The following SNX29 variants were observed in gnomAD, a reference collection of about 807,000 sequenced individuals.
SNX29 encodes the protein sorting nexin 29, also known as sorting nexin-29.
Under a neutral mutation model 102.1 loss-of-function variants are expected in SNX29, and 78 were observed. The ratio of observed to expected loss-of-function variants is 0.76; its 90% CI spans 0.64 to 0.92. The LOEUF is 0.92. SNX29 is among the 40% of genes least tolerant of loss of function. SNX29 has a pLI of 0.00. For synonymous variants in SNX29, 580 were observed against 414.5 expected, an observed-to-expected ratio of 1.40 and a Z score of -4.85; for missense variants, 1,280 against 1,061.7, an observed-to-expected ratio of 1.21 and a Z score of -2.86.
chr16:12,024,672 G>T (rs1352295730), intron 3 of SNX29, among the ~76,000 whole-genome samples: 2 of 152,174 alleles, frequency 1.3e-5, no homozygotes, highest in Admixed American at 6.5e-5. Context: ...TTGGGGACTG[G>T]ATTTGTGCAG....
At chr16:12,529,902 G>A (rs373008650) in intron 20 of SNX29, among the ~76,000 whole-genome samples, 27 of 152,290 alleles carry the variant, frequency 1.8e-4, no homozygotes, top group African/African-American at 5.5e-4. Context: ...GGACTGGCCA[G>A]AACCTTCCAG....
At chr16:12,153,642 T>A (rs1430740117) in intron 13 of SNX29, among the ~76,000 whole-genome samples, 1 of 103,056 alleles carries the variant, frequency 9.7e-6, no homozygotes, top group Non-Finnish European at 2.4e-5. Flanking sequence ...CCTGGCTAAT[T>A]TTTTTTTTTT....
chr16:12,225,611 G>T (rs145949480), intron 14 of SNX29, among the ~76,000 whole-genome samples: 3 of 152,272 alleles, frequency 2.0e-5, no homozygotes, highest in Admixed American at 6.5e-5. Context: ...CCAGTCTTGG[G>T]TATGTCTTTA....
intron 14 of SNX29, among the ~76,000 whole-genome samples, chr16:12,227,827 G>A (rs1441277472): frequency 6.7e-6 from 1 of 150,144 alleles, no homozygotes; most frequent in East Asian, 2.0e-4. Context: ...TTAAACCCAG[G>A]TGGTGGAGGT....
chr16:11,999,147 C>T, intron 1 of SNX29, 150 bp from the exon 2 acceptor site: 1 of 663,004 alleles, frequency 1.5e-6, no homozygotes, highest in Non-Finnish European at 2.6e-6. Flanking sequence ...CAGTAACAGG[C>T]AATAGCCAAA....
intron 20 of SNX29, among the ~76,000 whole-genome samples, chr16:12,550,500 A>AT (rs2077902581): frequency 6.7e-6 from 1 of 150,104 alleles, no homozygotes; most frequent in South Asian, 2.2e-4. Context: ...GTGTCATTAC[A>AT]TTCCAGTCTG....
At chr16:12,155,862 G>A (rs2141623467) in intron 13 of SNX29, among the ~76,000 whole-genome samples, 1 of 152,254 alleles carries the variant, frequency 6.6e-6, no homozygotes, top group Non-Finnish European at 1.5e-5. Context: ...GAGATGGCTG[G>A]GCCCATCCTC....
chr16:12,492,785 G>A (rs1160012669), intron 19 of SNX29, among the ~76,000 whole-genome samples: 1 of 152,164 alleles, frequency 6.6e-6, no homozygotes, highest in Non-Finnish European at 1.5e-5. Flanking sequence ...TATTAAATAG[G>A]GAATCCTTTC....
intron 13 of SNX29, among the ~76,000 whole-genome samples, chr16:12,186,630 G>C (rs923980924): frequency 6.6e-6 from 1 of 152,222 alleles, no homozygotes; most frequent in Non-Finnish European, 1.5e-5. Flanking sequence ...TTGGGATCCA[G>C]TCCAGGATCA....
chr16:12,178,473 A>C (rs1290283986), intron 13 of SNX29, among the ~76,000 whole-genome samples: 1 of 152,156 alleles, frequency 6.6e-6, no homozygotes, highest in Non-Finnish European at 1.5e-5. Flanking sequence ...ATTTCGCAAA[A>C]CCAGCCTGGC....
chr16:12,185,915 A>C (rs895249074), intron 13 of SNX29, among the ~76,000 whole-genome samples: 13 of 152,188 alleles, frequency 8.5e-5, no homozygotes, highest in Non-Finnish European at 1.5e-5. Context: ...TTGTTCCCAA[A>C]TGTCACTCAA....
intron 14 of SNX29, among the ~76,000 whole-genome samples, chr16:12,248,690 C>G (rs778060724): frequency 6.6e-6 from 1 of 152,058 alleles, no homozygotes; most frequent in Non-Finnish European, 1.5e-5. Context: ...GCTGGGATTA[C>G]AGGCATGAGC....
chr16:12,153,815 G>A (rs2055410906), intron 13 of SNX29, among the ~76,000 whole-genome samples: 1 of 152,072 alleles, frequency 6.6e-6, no homozygotes, highest in Non-Finnish European at 1.5e-5. Flanking sequence ...TTTGAATGCA[G>A]CTTTTTCCAG....
chr16:12,291,783 A>T (rs1275037174), intron 15 of SNX29, among the ~76,000 whole-genome samples: 1 of 152,238 alleles, frequency 6.6e-6, no homozygotes. Context: ...ATGGATCCCC[A>T]GATGAAAACT....
At chr16:12,117,201 T>C (rs112437266) in intron 11 of SNX29, among the ~76,000 whole-genome samples, 9,288 of 88,792 alleles carry the variant, frequency 0.1, 815 homozygotes, top group Non-Finnish European at 0.14. Flanking sequence ...TCAACGCGGA[T>C]GAACCGTGGA....
chr16:12,361,550 T>C (rs1367750163), intron 16 of SNX29, among the ~76,000 whole-genome samples: 1 of 152,178 alleles, frequency 6.6e-6, no homozygotes, highest in Non-Finnish European at 1.5e-5. Context: ...CTAATAGTAA[T>C]TAATATTATG....
chr16:12,079,984 T>C (rs964917821), intron 11 of SNX29, among the ~76,000 whole-genome samples: 2 of 152,340 alleles, frequency 1.3e-5, no homozygotes, highest in African/African-American at 2.4e-5. Context: ...ATCATGATCA[T>C]TCTATTTTGA....
At chr16:12,486,465 T>TTA (rs1330921260) in intron 19 of SNX29, among the ~76,000 whole-genome samples, 1 of 152,252 alleles carries the variant, frequency 6.6e-6, no homozygotes, top group Non-Finnish European at 1.5e-5. Context: ...TAGACAACTC[T>TTA]TACTGTTAGC....
chr16:12,255,030 T>C (rs144206692), intron 14 of SNX29, among the ~76,000 whole-genome samples: 296 of 152,304 alleles, frequency 1.9e-3, no homozygotes, highest in African/African-American at 6.9e-3. Context: ...GAAGTATCAT[T>C]GACAACAACT....
Sources: gnomAD v4.1 joint callset for allele counts (sites outside exome capture counted in the v4.1 genomes callset) on GRCh38, gnomAD v4.1.1 for gene constraint, MANE v1.5 for transcripts, NCBI Gene and HGNC (gene_info 2026-07-23, HGNC 2026-07-21) for gene names.